SEMA3A: variants seen among roughly 807,000 people sequenced by gnomAD.
SEMA3A encodes semaphorin 3A, also known as semaphorin-3A.
A neutral mutation model predicts 97.9 loss-of-function variants in SEMA3A; 29 were observed. The observed-to-expected ratio is 0.30, with a 90% CI of 0.22 to 0.40. The LOEUF (loss-of-function observed/expected upper bound fraction) is 0.40. Ranked by LOEUF, SEMA3A falls within the 10% of genes least tolerant of loss-of-function variation. SEMA3A has a pLI of 1.00. For synonymous variants in SEMA3A, 321 were observed against 323.7 expected (o/e 0.99, Z 0.09); for missense variants, 763 against 951.3 (o/e 0.80, Z 2.60).
chr7:83,957,285 T>C lies in SEMA3A; in HGVS notation c.*4086A>G, dbSNP rs776862372. On this transcript the variant is annotated 3_prime_UTR_variant, in exon 17 of 17. Coordinates refer to ENST00000265362, the MANE Select transcript of SEMA3A (RefSeq NM_006080.3). The stretch of plus-strand genomic sequence containing the variant: ...TCGCTCTGTTTCCTTAATTTCATTG[T>C]GAGCTCTTTGAGAACAAGGGTTATG... 1 of 152,126 alleles carries C rather than the reference T, an allele frequency of 6.6e-6. No individual in the cohort carries two copies. The highest frequency in any genetic ancestry group is 1.5e-5 in the Non-Finnish European group (1 of 68,004). The allele number at this position is 152,126 out of a possible 1,614,324, so 9.4% of individuals were successfully genotyped here.
At position 84,438,930 on chromosome 7, in the gene SEMA3A, G is replaced by A. The variant is rs559192396; in HGVS notation, c.-246+53530C>T. 4.6e-5 allele frequency among the ~76,000 whole-genome samples: 7 copies of A among 151,946 alleles called. No homozygotes were observed. In the East Asian group the frequency reaches 9.7e-4, roughly 21 times the overall value. ...TAATTACTTTTAAACATGTAATAAG[G>A]CAACAACCTGTAAGTATCAGTGTGT... is the stretch of plus-strand genomic sequence containing the variant. On this transcript the variant is annotated intron_variant, in intron 1 of 3. Coordinates refer to the SEMA3A transcript ENST00000424555.
chr7:84,125,990 A>T (rs140574405), intron 3 of SEMA3A, among the ~76,000 whole-genome samples: 3 of 152,184 alleles, frequency 2.0e-5, no homozygotes, highest in African/African-American at 7.2e-5. Flanking sequence ...ATTCAGAACA[A>T]TGAAACACTG....
chr7:84,093,074 A>G (rs1431932971), intron 4 of SEMA3A, among the ~76,000 whole-genome samples: 1 of 152,152 alleles, frequency 6.6e-6, no homozygotes, highest in Admixed American at 6.6e-5. Flanking sequence ...TGGAGATACT[A>G]CGTTTTATTT....
chr7:84,456,334 G>T (rs1470443710), intron 1 of SEMA3A, among the ~76,000 whole-genome samples: 1 of 151,782 alleles, frequency 6.6e-6, no homozygotes. Flanking sequence ...ATTCTGTGTT[G>T]AAAGCCCAAA....
chr7:84,179,615 C>T (rs1477563772), intron 1 of SEMA3A, among the ~76,000 whole-genome samples: 1 of 152,040 alleles, frequency 6.6e-6, no homozygotes, highest in Non-Finnish European at 1.5e-5. Context: ...GTATTTTCTC[C>T]AGCACTATGT....
chr7:84,051,618 A>G (rs1217219757), intron 5 of SEMA3A, among the ~76,000 whole-genome samples: 1 of 152,106 alleles, frequency 6.6e-6, no homozygotes, highest in Non-Finnish European at 1.5e-5. Context: ...GGGCTGAGAC[A>G]ATGGGGTTTT....
chr7:84,362,076 A>C (rs1291684347), intron 2 of SEMA3A, among the ~76,000 whole-genome samples: 1 of 151,960 alleles, frequency 6.6e-6, no homozygotes, highest in East Asian at 1.9e-4. Flanking sequence ...GTCTGAAAAC[A>C]ATCTCTCTAA....
chr7:84,254,726 A>T (rs1272799056), intron 3 of SEMA3A, among the ~76,000 whole-genome samples: 2 of 152,150 alleles, frequency 1.3e-5, no homozygotes, highest in Non-Finnish European at 2.9e-5. Context: ...ATCACCACCC[A>T]GTCAAGATAT....
At chr7:84,211,330 G>T (rs541454065) in intron 3 of SEMA3A, among the ~76,000 whole-genome samples, 80 of 152,246 alleles carry the variant, frequency 5.3e-4, no homozygotes, top group Middle Eastern at 3.4e-3. Context: ...ACATTTCTCA[G>T]CCGGGTGTGG....
chr7:84,075,007 C>T (rs1249811151), intron 4 of SEMA3A, among the ~76,000 whole-genome samples: 1 of 151,814 alleles, frequency 6.6e-6, no homozygotes, highest in Non-Finnish European at 1.5e-5. Flanking sequence ...TATATCTAGG[C>T]TAGAATTTTT....
chr7:84,370,351 G>T (rs1364551067), intron 2 of SEMA3A, among the ~76,000 whole-genome samples: 1 of 151,654 alleles, frequency 6.6e-6, no homozygotes, highest in Admixed American at 6.6e-5. Context: ...ATTAGAGAAT[G>T]AGCAATGTGT....
intron 2 of SEMA3A, among the ~76,000 whole-genome samples, chr7:84,348,055 G>A (rs982015890): frequency 1.3e-5 from 2 of 152,082 alleles, no homozygotes; most frequent in Admixed American, 1.3e-4. Context: ...GCCAGGGAAT[G>A]TATGGGGACT....
At chr7:84,236,200 G>A (rs541007789) in intron 3 of SEMA3A, among the ~76,000 whole-genome samples, 24 of 151,974 alleles carry the variant, frequency 1.6e-4, no homozygotes, top group Non-Finnish European at 2.5e-4. Context: ...TAGTTTTCTT[G>A]AACTTCCTCT....
chr7:84,011,761 G>A (rs530673279), intron 7 of SEMA3A, among the ~76,000 whole-genome samples: 12 of 152,120 alleles, frequency 7.9e-5, no homozygotes, highest in Non-Finnish European at 1.3e-4. Context: ...TTCAAATGCT[G>A]TCACCACAAA....
At chr7:84,471,032 T>G (rs1031109336) in intron 1 of SEMA3A, among the ~76,000 whole-genome samples, 2 of 152,056 alleles carry the variant, frequency 1.3e-5, no homozygotes, top group Admixed American at 6.6e-5. Flanking sequence ...GCAAATACAC[T>G]GAAATGGGGA....
rs78071957 is a variant in SEMA3A, at chr7:84,414,673, G to A, written c.-245-42773C>T. On this transcript the variant is annotated intron_variant, in intron 1 of 3. Coordinates refer to the SEMA3A transcript ENST00000424555. The stretch of plus-strand genomic sequence containing the variant: ...ACGTTCAAAAACACTCAGATGGTGG[G>A]ACATTCTATCAGAAAATTTGGCTCT... Among the ~76,000 whole-genome samples, 1,004 of 151,882 alleles carry A rather than the reference G, an allele frequency of 6.6e-3. 6 individuals carry two copies. Among genetic ancestry groups the A allele is most frequent in the Non-Finnish European group, 0.01 (698 of 67,922 alleles).
intron 4 of SEMA3A, among the ~76,000 whole-genome samples, chr7:84,093,801 T>C (rs1794664724): frequency 6.6e-6 from 1 of 151,918 alleles, no homozygotes; most frequent in African/African-American, 2.4e-5. Flanking sequence ...TCTGGGGAGT[T>C]GGAAGGAGAG....
intron 1 of SEMA3A, among the ~76,000 whole-genome samples, chr7:84,404,474 G>T (rs1482199682): frequency 2.6e-5 from 4 of 152,138 alleles, no homozygotes; most frequent in Non-Finnish European, 5.9e-5. Flanking sequence ...CACTCTGCAG[G>T]ATATTATCCA....
chr7:84,328,012 G>C (rs1452653102), intron 2 of SEMA3A, among the ~76,000 whole-genome samples: 1 of 151,940 alleles, frequency 6.6e-6, no homozygotes, highest in South Asian at 2.1e-4. Context: ...TTGGGATAAA[G>C]GTTAGATTAC....
Sources: gnomAD v4.1 joint callset for allele counts (sites outside exome capture counted in the v4.1 genomes callset) on GRCh38, gnomAD v4.1.1 for gene constraint, MANE v1.5 for transcripts, NCBI Gene and HGNC (gene_info 2026-07-23, HGNC 2026-07-21) for gene names.